PACRGL: variants seen among roughly 807,000 people sequenced by gnomAD.
The protein encoded by PACRGL is PACRG-like protein.
In PACRGL, 38 loss-of-function variants were observed where a neutral mutation model predicts 34.5. The observed-to-expected ratio is 1.10, with a 90% confidence interval of 0.85 to 1.44. PACRGL has a LOEUF of 1.44. Among genes scored for constraint, PACRGL ranks in the 40% most tolerant of loss-of-function variants. PACRGL has a pLI of 0.00. For synonymous variants in PACRGL, 128 were observed against 100.1 expected, an observed-to-expected ratio of 1.28 and a Z score of -1.66; for missense variants, 305 against 281.4, an observed-to-expected ratio of 1.08 and a Z score of -0.60.
Position 20,724,853 on chromosome 4 carries a change from A to C in PACRGL, c.655A>C (p.Ser219Arg), listed in dbSNP as rs1578334419. 1.2e-5 allele frequency: 18 copies of C among 1,500,062 alleles called. No individual in the cohort carries two copies. The East Asian group carries it at 4.0e-4, about 33-fold the overall frequency. The allele number at this position is 1,500,062 out of a possible 1,614,324, so 92.9% of individuals were successfully genotyped here. A position where few individuals can be genotyped will look rare whatever the true frequency, so the allele number is the denominator to read the frequency against. ...CAAGAAATTCAAAGAGCCAATCACC[A>C]GCGCATTACAAAAGCTAGAGCAACA... ...MDKKFKEPIT[S>R]ALQKLEQHGG... Residue 219 changes from serine (S) to arginine (R), a missense_variant, in exon 8 of 9, where the codon AGC becomes CGC. By Grantham distance (110) the Ser-to-Arg change is moderately radical. Transcript: ENST00000503585.
chr4:20,742,888 G>A (rs1030714979), intron 8 of PACRGL, among the ~76,000 whole-genome samples: 2 of 152,062 alleles, frequency 1.3e-5, no homozygotes, highest in Non-Finnish European at 2.9e-5. Context: ...AAAAATCAAT[G>A]TGCAAAAATC....
At chr4:20,723,756 C>T (rs1406582501) in intron 7 of PACRGL, among the ~76,000 whole-genome samples, 1 of 152,044 alleles carries the variant, frequency 6.6e-6, no homozygotes, top group African/African-American at 2.4e-5. Flanking sequence ...GAACGGGTAT[C>T]TAGCTTTCCT....
At position 20,700,530 on chromosome 4, in the gene PACRGL, C is replaced by G. The variant is rs980943577; in HGVS notation, c.-274C>G. ...CGACCGAGTGCCGGTCATAAGCCCC[C>G]CCCGGTGGGGGGCAGCTGGTGTGCG... On this transcript the variant is annotated 5_prime_UTR_variant, in exon 1 of 9. Transcript: ENST00000503585. 6.6e-6 allele frequency: 1 copy of G among 152,176 alleles called. No individual in the cohort carries two copies. Among genetic ancestry groups the G allele is most frequent in the South Asian group, 2.1e-4 (1 of 4,838 alleles). 9.4% of individuals were successfully genotyped at this position (152,176 alleles called of 1,614,324 possible).
At chr4:20,705,103 A>T (rs1373950277) in intron 3 of PACRGL, among the ~76,000 whole-genome samples, 1 of 152,236 alleles carries the variant, frequency 6.6e-6, no homozygotes, top group Non-Finnish European at 1.5e-5. Flanking sequence ...TTACTTCCCC[A>T]TATCAATGAA....
intron 7 of PACRGL, chr4:20,716,162 A>G (rs1739861027): frequency 2.2e-6 from 3 of 1,350,156 alleles, no homozygotes; most frequent in African/African-American, 2.9e-5. Context: ...ATGATTTGCC[A>G]GAAGGATCCA....
At chr4:20,715,130 G>A (rs1227030049) in intron 7 of PACRGL, among the ~76,000 whole-genome samples, 1 of 152,140 alleles carries the variant, frequency 6.6e-6, no homozygotes, top group East Asian at 1.9e-4. Context: ...GTAGGGACAT[G>A]GATGAAACTG....
intron 7 of PACRGL, chr4:20,716,333 G>T (rs1578230289): frequency 2.5e-5 from 13 of 510,750 alleles, no homozygotes; most frequent in East Asian, 6.6e-5. Flanking sequence ...TTCATGCAGT[G>T]TTTTTTTTTT....
rs1747436060 is a variant in PACRGL, at chr4:20,729,727, A to ACAAATGAGTAG, written c.*2391_*2401dup. ...TTCAAAATCCTAGGACTGAATACAT[A>ACAAATGAGTAG]CAAATGAGTAGCAAAAAACACTGAT... is the stretch of plus-strand genomic sequence containing the variant. On this transcript the variant is annotated 3_prime_UTR_variant, in exon 9 of 9. Transcript: ENST00000503585. 5.5e-6 allele frequency: 1 copy of ACAAATGAGTAG among 182,078 alleles called. No individual in the cohort carries two copies. The highest frequency in any genetic ancestry group is 1.1e-5 in the Non-Finnish European group (1 of 88,270). The allele number at this position is 182,078 out of a possible 1,614,324, so 11.3% of individuals were successfully genotyped here. A position where few individuals can be genotyped will look rare whatever the true frequency, so the allele number is the denominator to read the frequency against.
chr4:20,765,459 T>C, the PACRGL span, among the ~76,000 whole-genome samples: 1 of 152,162 alleles, frequency 6.6e-6, no homozygotes, highest in Non-Finnish European at 1.5e-5. Context: ...TTATTGTGCA[T>C]TGTAGCTTGA....
rs1748077204 is a variant in PACRGL, at chr4:20,731,210, C to T, written c.*3869C>T. 1.2e-5 allele frequency: 2 copies of T among 170,082 alleles called. No homozygotes were observed. The highest frequency in any genetic ancestry group is 2.4e-5 in the Non-Finnish European group (2 of 84,508). The allele number at this position is 170,082 out of a possible 1,614,324, so 10.5% of individuals were successfully genotyped here. ...TCAGCCTCCCAAGTAGCTGAGACTT[C>T]AGCCACGTGCCACCGTGCCCAGCTA... is the stretch of plus-strand genomic sequence containing the variant. On this transcript the variant is annotated 3_prime_UTR_variant, in exon 9 of 9. Transcript: ENST00000503585.
At chr4:20,714,882 T>C (rs1465250431) in intron 7 of PACRGL, among the ~76,000 whole-genome samples, 1 of 152,164 alleles carries the variant, frequency 6.6e-6, no homozygotes, top group Admixed American at 6.5e-5. Flanking sequence ...CTCAGGGATC[T>C]AGAACTAGAA....
chr4:20,759,173 ATAAAG>A, the PACRGL span, among the ~76,000 whole-genome samples: 2 of 152,226 alleles, frequency 1.3e-5, no homozygotes, highest in Non-Finnish European at 2.9e-5. Flanking sequence ...TATGTTTATT[ATAAAG>A]TAAAAGGAAA....
intron 8 of PACRGL, among the ~76,000 whole-genome samples, chr4:20,752,055 G>GT (rs33912651): frequency 0.58 from 70,198 of 121,444 alleles, 20,558 homozygotes; most frequent in East Asian, 0.77. Flanking sequence ...ACTTCATAGA[G>GT]TTTTTTTTTT....
At chr4:20,748,540 A>C (rs1043845078) in intron 8 of PACRGL, among the ~76,000 whole-genome samples, 1 of 143,642 alleles carries the variant, frequency 7.0e-6, no homozygotes, top group Non-Finnish European at 1.5e-5. Context: ...ACTTCCAAAA[A>C]TAAATGCACC....
chr4:20,741,769 A>T (rs556903654), intron 8 of PACRGL, among the ~76,000 whole-genome samples: 1 of 152,220 alleles, frequency 6.6e-6, no homozygotes, highest in Admixed American at 6.5e-5. Context: ...CAAAAAATCA[A>T]TGAATCCAGG....
intron 8 of PACRGL, among the ~76,000 whole-genome samples, chr4:20,740,911 G>A (rs1330162835): frequency 1.3e-5 from 2 of 151,976 alleles, no homozygotes; most frequent in Non-Finnish European, 2.9e-5. Flanking sequence ...AAAAAAGCAG[G>A]GGTTGCAATC....
At chr4:20,709,478 C>T (rs1272079452) in intron 4 of PACRGL, among the ~76,000 whole-genome samples, 1 of 152,164 alleles carries the variant, frequency 6.6e-6, no homozygotes, top group Non-Finnish European at 1.5e-5. Flanking sequence ...AACCTTAACA[C>T]ATGTGGGTCA....
rs867212833 is a variant in PACRGL at position 20,730,958 on chromosome 4, A to G, written c.*3617A>G. Among the ~76,000 whole-genome samples the G allele has an allele frequency of 2.6e-5, 4 of 152,236 alleles. No individual in the cohort carries two copies. Among genetic ancestry groups the G allele is most frequent in the African/African-American group, 4.8e-5 (2 of 41,468 alleles). ...AATTAATTCTCTCAAAGACCACTGC[A>G]TGGAAATCCAAGTTGAGAGACAAGC... On this transcript the variant is annotated 3_prime_UTR_variant, in exon 9 of 9. Transcript: ENST00000503585.
At chr4:20,757,967 C>G in the PACRGL span, among the ~76,000 whole-genome samples, 1 of 152,110 alleles carries the variant, frequency 6.6e-6, no homozygotes, top group African/African-American at 2.4e-5. Context: ...TTTTTTAACT[C>G]CCATAATCAC....
Sources: allele counts gnomAD v4.1 joint callset (sites outside exome capture counted in the v4.1 genomes callset), GRCh38; gene constraint gnomAD v4.1.1; transcripts MANE v1.5; gene names NCBI Gene and HGNC (gene_info 2026-07-23, HGNC 2026-07-21).